LPP: variants seen among roughly 807,000 people sequenced by gnomAD.
LPP encodes the protein LIM domain containing preferred translocation partner in lipoma.
Under a neutral mutation model 60.4 loss-of-function variants are expected in LPP, and 38 were observed. That is an observed-to-expected ratio of 0.63 (90% CI 0.49 to 0.83). LPP has a LOEUF of 0.83. Ranked by LOEUF, LPP falls within the 40% of genes least tolerant of loss-of-function variation. The probability of loss-of-function intolerance (pLI) is 0.00; values close to 1 mark genes in which losing one functional copy is unlikely to be tolerated. For missense variants in LPP, 902 were observed against 783.6 expected (o/e 1.15, Z -1.80); for synonymous variants, 328 against 290.8 (o/e 1.13, Z -1.30).
chr3:188,187,121 T>C (rs1726833365), intron 1 of LPP, among the ~76,000 whole-genome samples: 1 of 152,172 alleles, frequency 6.6e-6, no homozygotes, highest in Non-Finnish European at 1.5e-5. Context: ...ATCTCGAGGG[T>C]TTATAATGGA....
chr3:188,683,073 G>T (rs534237105), intron 7 of LPP, among the ~76,000 whole-genome samples: 2 of 152,110 alleles, frequency 1.3e-5, no homozygotes, highest in South Asian at 4.2e-4. Flanking sequence ...AGTCCATTTG[G>T]GTAGGAATGA....
chr3:188,869,346 A>G (rs1380213780), intron 10 of LPP, among the ~76,000 whole-genome samples: 5 of 152,166 alleles, frequency 3.3e-5, no homozygotes, highest in Admixed American at 3.3e-4. Context: ...GCTGGAATGC[A>G]GTGGCACAAT....
intron 1 of LPP, among the ~76,000 whole-genome samples, chr3:188,206,307 G>A (rs1733205264): frequency 6.6e-6 from 1 of 152,110 alleles, no homozygotes; most frequent in African/African-American, 2.4e-5. Flanking sequence ...AGGATGTCCC[G>A]AGCCACAAGG....
intron 9 of LPP, among the ~76,000 whole-genome samples, chr3:188,828,640 A>AAAAAAAC (rs1756306374): frequency 2.0e-5 from 3 of 146,976 alleles, no homozygotes; most frequent in Non-Finnish European, 3.0e-5. Context: ...AAAAAAAAAA[A>AAAAAAAC]CTCAGCTGCA....
At chr3:188,432,283 A>G (rs1791087209) in intron 4 of LPP, among the ~76,000 whole-genome samples, 2 of 152,172 alleles carry the variant, frequency 1.3e-5, no homozygotes, top group African/African-American at 2.4e-5. Context: ...TCCAAAGTCT[A>G]TACAAAAATA....
At chr3:188,504,579 A>G (rs1453268525) in intron 5 of LPP, among the ~76,000 whole-genome samples, 1 of 152,064 alleles carries the variant, frequency 6.6e-6, no homozygotes. Context: ...CTCTTCCCCA[A>G]GGTTTACTGT....
intron 1 of LPP, among the ~76,000 whole-genome samples, chr3:188,190,911 A>G (rs1192562250): frequency 5.9e-5 from 9 of 152,216 alleles, no homozygotes; most frequent in Non-Finnish European, 1.3e-4. Context: ...GATGAAGTGA[A>G]TAAGTTTGAT....
At chr3:188,545,636 T>C (rs1209408417) in intron 6 of LPP, among the ~76,000 whole-genome samples, 1 of 152,156 alleles carries the variant, frequency 6.6e-6, no homozygotes, top group African/African-American at 2.4e-5. Context: ...GTGTTAGAAG[T>C]GCGACTAGAG....
chr3:188,191,210 A>G (rs1468277911), intron 1 of LPP, among the ~76,000 whole-genome samples: 2 of 152,250 alleles, frequency 1.3e-5, no homozygotes, highest in Non-Finnish European at 2.9e-5. Flanking sequence ...AGCCTGGGCG[A>G]CAGAGCAAGA....
At chr3:188,647,570 G>GTACT (rs1248526190) in intron 7 of LPP, among the ~76,000 whole-genome samples, 1 of 152,090 alleles carries the variant, frequency 6.6e-6, no homozygotes, top group Non-Finnish European at 1.5e-5. Flanking sequence ...TCCCCTTTGT[G>GTACT]TACTTTCAAG....
At chr3:188,677,757 C>T (rs150000307) in intron 7 of LPP, among the ~76,000 whole-genome samples, 1 of 152,198 alleles carries the variant, frequency 6.6e-6, no homozygotes, top group African/African-American at 2.4e-5. Flanking sequence ...TTCAGCCTAA[C>T]AAATGTTATG....
intron 3 of LPP, among the ~76,000 whole-genome samples, chr3:188,381,831 A>AAT (rs906856505): frequency 5.9e-5 from 9 of 151,904 alleles, no homozygotes; most frequent in East Asian, 1.9e-4. Flanking sequence ...ATTTAAATTA[A>AAT]ATATATATAT....
At chr3:188,668,176 G>A (rs1456121013) in intron 7 of LPP, among the ~76,000 whole-genome samples, 1 of 151,812 alleles carries the variant, frequency 6.6e-6, no homozygotes. Flanking sequence ...AATGGTATCT[G>A]GTACATATGG....
At chr3:188,331,088 A>G (rs1476996612) in intron 2 of LPP, among the ~76,000 whole-genome samples, 1 of 152,082 alleles carries the variant, frequency 6.6e-6, no homozygotes, top group African/African-American at 2.4e-5. Context: ...TGACCCCTTC[A>G]AAATGCCTGT....
chr3:188,528,403 C>A (rs758453556), intron 6 of LPP, among the ~76,000 whole-genome samples: 2 of 151,346 alleles, frequency 1.3e-5, no homozygotes, highest in Non-Finnish European at 2.9e-5. Flanking sequence ...ATCCTTATAA[C>A]CTAATAGACA....
rs568012147 is a variant in LPP at position 188,182,806 on chromosome 3, C to T, written c.-190+28554C>T. 1.2e-3 allele frequency among the ~76,000 whole-genome samples: 181 copies of T among 149,480 alleles called. No individual in the cohort carries two copies. Among genetic ancestry groups the T allele is most frequent in the African/African-American group, 4.3e-3 (175 of 40,690 alleles). ...AATATATGTACATATACAATATATG[C>T]ACATATATAATATATGTACATATAA... On this transcript the variant is annotated intron_variant, in intron 1 of 11. Coordinates refer to ENST00000617246, the MANE Select transcript of LPP (RefSeq NM_001375462.1). The surrounding 1 kb of genome is among the most constrained non-coding windows in gnomAD (Gnocchi z 4.4).
At chr3:188,531,363 C>A (rs1822134227) in intron 6 of LPP, among the ~76,000 whole-genome samples, 1 of 151,836 alleles carries the variant, frequency 6.6e-6, no homozygotes, top group Non-Finnish European at 1.5e-5. Context: ...GACCTTGGTT[C>A]CTGACTCAGA....
At chr3:188,422,258 A>C (rs1788004257) in intron 4 of LPP, among the ~76,000 whole-genome samples, 1 of 152,160 alleles carries the variant, frequency 6.6e-6, no homozygotes, top group South Asian at 2.1e-4. Context: ...AGTAATCGCT[A>C]AGTAACAGAA....
At chr3:188,836,999 A>T (rs1479400792) in intron 9 of LPP, among the ~76,000 whole-genome samples, 1 of 152,208 alleles carries the variant, frequency 6.6e-6, no homozygotes, top group Non-Finnish European at 1.5e-5. Context: ...TTGTGCCTTC[A>T]TCAAGATATT....
Sources: gnomAD v4.1 joint callset for allele counts (sites outside exome capture counted in the v4.1 genomes callset) on GRCh38, gnomAD v4.1.1 for gene constraint, Gnocchi (gnomAD v3.1) non-coding constraint, MANE v1.5 for transcripts, NCBI Gene and HGNC (gene_info 2026-07-23, HGNC 2026-07-21) for gene names.